ROBO2: variants seen among roughly 807,000 people sequenced by gnomAD.
The protein encoded by ROBO2 is roundabout homolog 2.
In ROBO2, 53 loss-of-function variants were observed where a neutral mutation model predicts 160.8. The ratio of observed to expected loss-of-function variants is 0.33; its 90% CI spans 0.26 to 0.41. ROBO2 has a LOEUF of 0.41. ROBO2 is among the 10% of genes least tolerant of loss of function. ROBO2 has a pLI of 1.00. For synonymous variants in ROBO2, 664 were observed against 611.7 expected, an observed-to-expected ratio of 1.09 and a Z score of -1.26; for missense variants, 1,577 against 1,722.4, an observed-to-expected ratio of 0.92 and a Z score of 1.49.
rs114101494 is a variant in ROBO2, at chr3:77,339,015, T to A, written c.389-138399T>A. Among the ~76,000 whole-genome samples, 1,250 of 152,204 alleles carry A rather than the reference T, an allele frequency of 8.2e-3. 21 individuals carry two copies. The highest frequency in any genetic ancestry group is 0.028 in the African/African-American group (1,184 of 41,552). Reference sequence around the variant, plus strand: ...TTTCCATATTAGAGGAGTATTATGATAGAACAACAAACAGAGCTGCTTTCA... The same window carrying A: ...TTTCCATATTAGAGGAGTATTATGAAAGAACAACAAACAGAGCTGCTTTCA... On this transcript the variant is annotated intron_variant, in intron 2 of 25. Transcript: ENST00000461745.
At chr3:76,997,643 T>C (rs2061094553) in intron 2 of ROBO2, among the ~76,000 whole-genome samples, 1 of 152,198 alleles carries the variant, frequency 6.6e-6, no homozygotes, top group Non-Finnish European at 1.5e-5. Flanking sequence ...AAAGACCAGA[T>C]CAAGAGTGAC....
At chr3:76,885,806 C>G (rs1323637520) in intron 2 of ROBO2, among the ~76,000 whole-genome samples, 1 of 152,186 alleles carries the variant, frequency 6.6e-6, no homozygotes, top group African/African-American at 2.4e-5. Flanking sequence ...ATGATTACAT[C>G]TTTCTTTATG....
intron 2 of ROBO2, among the ~76,000 whole-genome samples, chr3:76,024,991 C>T (rs149121590): frequency 4.7e-5 from 7 of 149,730 alleles, no homozygotes; most frequent in Non-Finnish European, 8.9e-5. Flanking sequence ...TAAAGGAATT[C>T]TTTATTTGGC....
rs150454714 is a variant in ROBO2 at position 76,722,845 on chromosome 3, A to G, written c.110-375169A>G. ...ATCACATTTTGGTTATCAATTTACC[A>G]GTTAATGGGCATTGGATTGCTTCCA... is the stretch of plus-strand genomic sequence containing the variant. On this transcript the variant is annotated intron_variant, in intron 2 of 26. Coordinates refer to the ROBO2 transcript ENST00000487694. Among the ~76,000 whole-genome samples the G allele has an allele frequency of 3.7e-4, 56 of 152,324 alleles. No individual in the cohort carries two copies. The East Asian group carries it at 8.1e-3, about 22-fold the overall frequency.
In ROBO2 at chr3:77,574,710, C is replaced by T. The variant is rs759000830; in HGVS notation, c.2183C>T (p.Thr728Met). ...CAAGGAATGGATAGTGAATCTAAAA[C>T]GGTTCGTACTACTGAAGAAGGTCAG... The change falls in exon 14 of 26, where the codon ACG (threonine) becomes ATG (methionine). Residue 728 changes from threonine to methionine, a missense_variant. Physicochemically the swap from Thr to Met is moderately conservative, Grantham distance 81 (BLOSUM62 -1). Transcript: ENST00000461745. The T allele has an allele frequency of 9.3e-6, 15 of 1,612,480 alleles. No homozygotes were observed. In the Admixed American group the frequency reaches 1.5e-4, roughly 16 times the overall value.
chr3:77,164,388 TGGGGGG>T (rs2078761976), intron 2 of ROBO2, among the ~76,000 whole-genome samples: 1 of 83,080 alleles, frequency 1.2e-5, no homozygotes, highest in Non-Finnish European at 3.4e-5. Context: ...GGGAGGGAGG[TGGGGGG>T]TCAGCCCCCC....
intron 2 of ROBO2, among the ~76,000 whole-genome samples, chr3:76,773,205 G>A (rs1184989652): frequency 6.6e-6 from 1 of 150,568 alleles, no homozygotes; most frequent in Non-Finnish European, 1.5e-5. Flanking sequence ...CTGTCATGAA[G>A]GTTTCTTTTG....
chr3:76,212,011 T>TTC (rs1703176250), intron 2 of ROBO2, among the ~76,000 whole-genome samples: 1 of 152,000 alleles, frequency 6.6e-6, no homozygotes, highest in Non-Finnish European at 1.5e-5. Flanking sequence ...TTGAAGTAGA[T>TTC]TTCTAGAAAT....
At chr3:76,685,985 G>A (rs1441170980) in intron 2 of ROBO2, among the ~76,000 whole-genome samples, 1 of 152,098 alleles carries the variant, frequency 6.6e-6, no homozygotes, top group Non-Finnish European at 1.5e-5. Context: ...TAAGCAAAAG[G>A]TTAATGAGAA....
Position 76,194,350 on chromosome 3 carries a change from G to GTGTATATATA in ROBO2, c.109+256749_109+256750insGTATATATAT, listed in dbSNP as rs759087780. On this transcript the variant is annotated intron_variant, in intron 2 of 26. Transcript: ENST00000487694. Reference sequence around the variant, plus strand: ...ATATCTATATAAATATGTATGGTGTGTAAATATATATATATATATATATAT... The same window carrying GTGTATATATA: ...ATATCTATATAAATATGTATGGTGTGTGTATATATATAAATATATATATATATATATATAT... 7.4e-3 allele frequency among the ~76,000 whole-genome samples: 311 copies of GTGTATATATA among 41,968 alleles called. 3 individuals carry two copies. The highest frequency in any genetic ancestry group is 0.019 in the Non-Finnish European group (263 of 14,120). 27.5% of individuals were successfully genotyped at this position (41,968 alleles called of 152,430 possible).
chr3:76,296,523 G>T (rs557351430), intron 2 of ROBO2, among the ~76,000 whole-genome samples: 3 of 152,078 alleles, frequency 2.0e-5, no homozygotes, highest in Non-Finnish European at 4.4e-5. Flanking sequence ...CCTCTCCCCA[G>T]ACCCAGCAAA....
chr3:76,257,817 C>T (rs574525410), intron 2 of ROBO2, among the ~76,000 whole-genome samples: 15 of 152,216 alleles, frequency 9.9e-5, no homozygotes, highest in African/African-American at 3.6e-4. Context: ...TATATCAGTG[C>T]ATCCTCCATA....
intron 24 of ROBO2, among the ~76,000 whole-genome samples, chr3:77,638,075 T>C (rs190690999): frequency 1.3e-5 from 2 of 152,354 alleles, no homozygotes; most frequent in African/African-American, 2.4e-5. Flanking sequence ...ATTTTAATTA[T>C]GATACAGTGC....
intron 1 of ROBO2, among the ~76,000 whole-genome samples, chr3:75,926,971 G>T (rs188035449): frequency 1.8e-4 from 27 of 152,206 alleles, no homozygotes; most frequent in Admixed American, 3.9e-4. Context: ...TTATTATTCT[G>T]TAACACTTTT....
At chr3:76,947,876 A>T (rs569637618) in intron 2 of ROBO2, among the ~76,000 whole-genome samples, 7 of 152,164 alleles carry the variant, frequency 4.6e-5, no homozygotes, top group Non-Finnish European at 1.0e-4. Context: ...TTAACCTCCC[A>T]AGATTAGAAA....
chr3:77,293,789 G>C (rs1424913383), intron 2 of ROBO2, among the ~76,000 whole-genome samples: 3 of 142,356 alleles, frequency 2.1e-5, no homozygotes, highest in Non-Finnish European at 4.5e-5. Flanking sequence ...ATGGTTAAAC[G>C]GGAAGTTGAG....
intron 2 of ROBO2, among the ~76,000 whole-genome samples, chr3:76,712,720 AG>A (rs1309874214): frequency 1.3e-5 from 2 of 151,888 alleles, no homozygotes; most frequent in African/African-American, 4.8e-5. Context: ...AAATGAAAAA[AG>A]CTCTATATTT....
chr3:76,313,961 C>T (rs1376432825), intron 2 of ROBO2, among the ~76,000 whole-genome samples: 2 of 152,016 alleles, frequency 1.3e-5, no homozygotes, highest in Non-Finnish European at 2.9e-5. Flanking sequence ...AGGAGTGATA[C>T]GAGCAGCACG....
intron 2 of ROBO2, among the ~76,000 whole-genome samples, chr3:77,249,562 G>A (rs184109923): frequency 6.6e-6 from 1 of 152,196 alleles, no homozygotes; most frequent in Non-Finnish European, 1.5e-5. Context: ...ATTAGTTTCA[G>A]CTGAATACTC....
Sources: allele counts gnomAD v4.1 joint callset (sites outside exome capture counted in the v4.1 genomes callset), GRCh38; gene constraint gnomAD v4.1.1; transcripts MANE v1.5; gene names NCBI Gene and HGNC (gene_info 2026-07-23, HGNC 2026-07-21).